The following CEP85L variants were observed in gnomAD, a reference collection of about 807,000 sequenced individuals.
The protein encoded by CEP85L is centrosomal protein 85L, also known as centrosomal protein of 85 kDa-like.
CEP85L carries 60 observed loss-of-function variants against 100.3 expected under a neutral mutation model. That is an observed-to-expected ratio of 0.60 (90% CI 0.49 to 0.74). The LOEUF (loss-of-function observed/expected upper bound fraction) is 0.74, where lower values mean the gene tolerates loss of function less well. Ranked by LOEUF, CEP85L falls within the 30% of genes least tolerant of loss-of-function variation. CEP85L has a pLI of 0.00. For synonymous variants in CEP85L, 319 were observed against 322.7 expected (o/e 0.99, Z 0.12); for missense variants, 973 against 936.2 (o/e 1.04, Z -0.51).
At chr6:118,627,910 A>C (rs1773908155) in intron 2 of CEP85L, among the ~76,000 whole-genome samples, 1 of 152,160 alleles carries the variant, frequency 6.6e-6, no homozygotes, top group South Asian at 2.1e-4. Context: ...CGGGTGGTTA[A>C]AGGGAAATAC....
intron 1 of CEP85L, among the ~76,000 whole-genome samples, chr6:118,664,079 A>G (rs879649476): frequency 2.6e-5 from 4 of 151,948 alleles, no homozygotes; most frequent in Non-Finnish European, 4.4e-5. Flanking sequence ...CATTTTTTGT[A>G]GAGATTAGGT....
intron 4 of CEP85L, among the ~76,000 whole-genome samples, chr6:118,512,053 A>C (rs1379876508): frequency 6.6e-6 from 1 of 152,144 alleles, no homozygotes; most frequent in Non-Finnish European, 1.5e-5. Context: ...AATTTTTTAA[A>C]AAAGACAAAA....
intron 3 of CEP85L, among the ~76,000 whole-genome samples, chr6:118,561,142 G>C (rs1412701446): frequency 1.3e-5 from 2 of 152,170 alleles, no homozygotes; most frequent in Non-Finnish European, 2.9e-5. Context: ...CTGAAGAACA[G>C]AAGGGCAGAG....
intron 1 of CEP85L, among the ~76,000 whole-genome samples, chr6:118,696,938 C>A (rs895483194): frequency 8.5e-5 from 13 of 152,094 alleles, no homozygotes; most frequent in African/African-American, 2.9e-4. Context: ...GACTAAGGTA[C>A]TTCAGGAGAG....
At chr6:118,532,036 A>G (rs1384498505) in intron 3 of CEP85L, among the ~76,000 whole-genome samples, 3 of 152,202 alleles carry the variant, frequency 2.0e-5, no homozygotes, top group Non-Finnish European at 4.4e-5. Flanking sequence ...ATTCTACCGG[A>G]GACACATGCA....
chr6:118,592,980 AAGATAGTG>A (rs1049702593), intron 2 of CEP85L, among the ~76,000 whole-genome samples: 5 of 147,130 alleles, frequency 3.4e-5, no homozygotes, highest in African/African-American at 1.2e-4. Context: ...AAAAAAGAAA[AAGATAGTG>A]AGAACAAGAA....
At position 118,665,739 on chromosome 6, in the gene CEP85L, C is replaced by T. The variant is rs116170082; in HGVS notation, c.-27-12931G>A. The stretch of plus-strand genomic sequence containing the variant: ...CAGGGTACTCAGGTTCTTCAACAGA[C>T]TCTAGTTTTCTTATCCTCTAAGATT... On this transcript the variant is annotated intron_variant, in intron 1 of 13. Coordinates refer to the CEP85L transcript ENST00000368488. 3.4e-3 allele frequency among the ~76,000 whole-genome samples: 521 copies of T among 152,252 alleles called. 2 individuals are homozygous for T. Among genetic ancestry groups the T allele is most frequent in the African/African-American group, 0.011 (458 of 41,538 alleles).
At chr6:118,603,247 T>C (rs1364034993) in intron 2 of CEP85L, among the ~76,000 whole-genome samples, 1 of 151,982 alleles carries the variant, frequency 6.6e-6, no homozygotes, top group African/African-American at 2.4e-5. Context: ...GATATGAAAG[T>C]GACACTCTTT....
chr6:118,619,107 G>A (rs1360011039), intron 2 of CEP85L, among the ~76,000 whole-genome samples: 2 of 151,676 alleles, frequency 1.3e-5, no homozygotes, highest in Non-Finnish European at 2.9e-5. Context: ...CTAAGGGGAA[G>A]ATGAGTCCCT....
chr6:118,490,728 G>GT (rs1329917193), intron 6 of CEP85L, among the ~76,000 whole-genome samples: 1 of 152,084 alleles, frequency 6.6e-6, no homozygotes, highest in Non-Finnish European at 1.5e-5. Flanking sequence ...ATACACTGTA[G>GT]TATATCTTTA....
At position 118,508,816 on chromosome 6, in the gene CEP85L, G is replaced by C. The variant is rs566772757; in HGVS notation, c.1257+2482C>G. ...ATTAGGATGAATATGTTATGGATCA[G>C]AAAAATGTACCTATACAAAATGCTA... On this transcript the variant is annotated intron_variant, in intron 5 of 12. Coordinates refer to ENST00000368491, the MANE Select transcript of CEP85L (RefSeq NM_001042475.3). 2.6e-5 allele frequency among the ~76,000 whole-genome samples: 4 copies of C among 151,974 alleles called. No homozygotes were observed. The East Asian group carries it at 7.7e-4, about 29-fold the overall frequency.
chr6:118,470,880 T>C (rs1278269465), intron 10 of CEP85L, among the ~76,000 whole-genome samples: 1 of 152,114 alleles, frequency 6.6e-6, no homozygotes, highest in Non-Finnish European at 1.5e-5. Flanking sequence ...TTTTTTTAAA[T>C]TACAGTTTTT....
At chr6:118,502,190 C>A in intron 5 of CEP85L, 1 of 906,222 alleles carries the variant, frequency 1.1e-6, no homozygotes, top group Non-Finnish European at 1.7e-6. Context: ...AAAGTAACTC[C>A]AGGGTTATAT....
chr6:118,674,791 A>C (rs1776429371), intron 1 of CEP85L, among the ~76,000 whole-genome samples: 1 of 152,222 alleles, frequency 6.6e-6, no homozygotes, highest in Admixed American at 6.5e-5. Flanking sequence ...AAAGGCTATC[A>C]TTTTTAAAAA....
chr6:118,588,210 C>CA (rs1380069847), intron 2 of CEP85L, among the ~76,000 whole-genome samples: 1 of 152,202 alleles, frequency 6.6e-6, no homozygotes. Flanking sequence ...CTGGGGAGGG[C>CA]ATGCACATGA....
intron 2 of CEP85L, among the ~76,000 whole-genome samples, chr6:118,574,929 A>G (rs1780132629): frequency 6.6e-6 from 1 of 152,094 alleles, no homozygotes; most frequent in African/African-American, 2.4e-5. Context: ...GTGACCAGAG[A>G]AGGAAGAAGT....
intron 1 of CEP85L, among the ~76,000 whole-genome samples, chr6:118,703,531 T>C (rs1777497006): frequency 6.6e-6 from 1 of 152,230 alleles, no homozygotes; most frequent in African/African-American, 2.4e-5. Context: ...GAGGAATAAC[T>C]TAAAAACTCA....
intron 3 of CEP85L, chr6:118,559,225 A>G: frequency 2.0e-5 from 15 of 748,002 alleles, no homozygotes; most frequent in Non-Finnish European, 3.7e-5. Flanking sequence ...TAAGACTAAA[A>G]CTTATTGTTA....
chr6:118,552,622 C>T (rs1205010970), intron 3 of CEP85L, among the ~76,000 whole-genome samples: 5 of 150,614 alleles, frequency 3.3e-5, no homozygotes, highest in Non-Finnish European at 5.9e-5. Flanking sequence ...TTCCTTCTTC[C>T]ACCTCAAAAA....
Sources: gnomAD v4.1 joint callset for allele counts (sites outside exome capture counted in the v4.1 genomes callset) on GRCh38, gnomAD v4.1.1 for gene constraint, MANE v1.5 for transcripts, NCBI Gene and HGNC (gene_info 2026-07-23, HGNC 2026-07-21) for gene names.